SPECC1: variants seen among roughly 807,000 people sequenced by gnomAD.
SPECC1 encodes sperm antigen with calponin homology and coiled-coil domains 1, also known as cytospin-B.
SPECC1 carries 62 observed loss-of-function variants against 104.1 expected under a neutral mutation model. That is an observed-to-expected ratio of 0.60 (90% CI 0.49 to 0.74). SPECC1 has a LOEUF of 0.74. Among genes scored for constraint, SPECC1 ranks in the 30% least tolerant of loss-of-function variants. The probability of loss-of-function intolerance (pLI) is 0.00; values close to 1 mark genes in which losing one functional copy is unlikely to be tolerated. For missense variants in SPECC1, 1,306 were observed against 1,310.5 expected, an observed-to-expected ratio of 1.00 and a Z score of 0.05; for synonymous variants, 513 against 501.6, an observed-to-expected ratio of 1.02 and a Z score of -0.30.
At chr17:20,113,877 T>G (rs2048619261) in intron 3 of SPECC1, among the ~76,000 whole-genome samples, 1 of 152,220 alleles carries the variant, frequency 6.6e-6, no homozygotes, top group African/African-American at 2.4e-5. Flanking sequence ...GGTGCACCAT[T>G]AATATTCATT....
At chr17:20,246,869 C>G (rs1398047303) in intron 8 of SPECC1, among the ~76,000 whole-genome samples, 1 of 152,180 alleles carries the variant, frequency 6.6e-6, no homozygotes, top group Non-Finnish European at 1.5e-5. Flanking sequence ...AGACTAGACT[C>G]TACATATTCA....
chr17:20,084,199 C>T (rs1282691481), intron 1 of SPECC1, among the ~76,000 whole-genome samples: 1 of 152,128 alleles, frequency 6.6e-6, no homozygotes, highest in African/African-American at 2.4e-5. Flanking sequence ...GGAGGCGAGG[C>T]GGGCAGATCA....
chr17:20,170,964 A>G (rs772050844), intron 3 of SPECC1, among the ~76,000 whole-genome samples: 29 of 152,226 alleles, frequency 1.9e-4, no homozygotes, highest in Non-Finnish European at 3.5e-4. Flanking sequence ...TCTCTAGCAC[A>G]AGCAGCCAAA....
At chr17:20,081,281 C>T (rs1023392979) in intron 1 of SPECC1, among the ~76,000 whole-genome samples, 2 of 152,114 alleles carry the variant, frequency 1.3e-5, no homozygotes, top group African/African-American at 2.4e-5. Flanking sequence ...GTGCCTACTG[C>T]AGTGCCTAGA....
At chr17:20,022,820 T>C (rs2044446808) in intron 1 of SPECC1, among the ~76,000 whole-genome samples, 2 of 152,182 alleles carry the variant, frequency 1.3e-5, no homozygotes, top group Non-Finnish European at 2.9e-5. Context: ...GTGATGATGT[T>C]CCCAAGATTG....
chr17:20,130,294 C>A (rs1186834769), intron 3 of SPECC1, among the ~76,000 whole-genome samples: 3 of 152,152 alleles, frequency 2.0e-5, no homozygotes, highest in Admixed American at 1.3e-4. Context: ...TGGTGGCTCA[C>A]ACCTGTAAGC....
At chr17:20,249,093 T>A (rs760302564) in intron 9 of SPECC1, among the ~76,000 whole-genome samples, 2 of 152,148 alleles carry the variant, frequency 1.3e-5, no homozygotes, top group African/African-American at 2.4e-5. Context: ...AGCCACATTT[T>A]AAAAAATACA....
Position 20,306,074 on chromosome 17 carries a change from C to T in SPECC1, c.3109C>T (p.Pro1037Ser), listed in dbSNP as rs759008180. 3 of 1,613,790 alleles carry T rather than the reference C, an allele frequency of 1.9e-6. No homozygotes were observed. The highest frequency in any genetic ancestry group is 1.7e-5 in the Admixed American group (1 of 59,946). The part of the protein sequence containing the change: ...FEAAESVGIK[P>S]SLELSEMLYT... Reference sequence around the variant, plus strand: ...AGCGGCTGAAAGTGTAGGCATCAAACCCAGCCTGGTACGTATCCTATTTTG... The same window carrying T: ...AGCGGCTGAAAGTGTAGGCATCAAATCCAGCCTGGTACGTATCCTATTTTG... The change falls in exon 14 of 15, where the codon CCC becomes TCC. Residue 1037 changes from proline (P) to serine (S), a missense_variant. By Grantham distance (74) the Pro-to-Ser change is moderately conservative. Coordinates refer to ENST00000395527, the MANE Select transcript of SPECC1 (RefSeq NM_001243439.2).
intron 1 of SPECC1, chr17:20,095,924 A>ACCAGG: frequency 6.6e-6 from 1 of 152,508 alleles, no homozygotes; most frequent in South Asian, 2.1e-4. Context: ...TGAGGGATGG[A>ACCAGG]CCAGGCCGCT....
At chr17:20,174,083 C>T (rs976597581) in intron 3 of SPECC1, among the ~76,000 whole-genome samples, 13 of 151,964 alleles carry the variant, frequency 8.6e-5, no homozygotes, top group African/African-American at 3.1e-4. Flanking sequence ...AGGCATGTGC[C>T]ACCACATTTG....
intron 3 of SPECC1, among the ~76,000 whole-genome samples, chr17:20,198,771 G>A (rs1465676686): frequency 6.6e-6 from 1 of 152,160 alleles, no homozygotes; most frequent in Non-Finnish European, 1.5e-5. Flanking sequence ...TTGTTTCATG[G>A]ATATCATTTT....
intron 1 of SPECC1, among the ~76,000 whole-genome samples, chr17:20,044,922 G>A (rs756402445): frequency 8.5e-5 from 13 of 152,344 alleles, no homozygotes; most frequent in South Asian, 4.1e-4. Context: ...ACGCACATGC[G>A]TGCATGTGTG....
chr17:20,233,557 G>A (rs2038727516), intron 7 of SPECC1, among the ~76,000 whole-genome samples: 1 of 152,132 alleles, frequency 6.6e-6, no homozygotes, highest in Non-Finnish European at 1.5e-5. Flanking sequence ...TTTATTTTTA[G>A]AGATGGGGGT....
chr17:20,273,402 T>G (rs996227250), intron 12 of SPECC1, among the ~76,000 whole-genome samples: 1 of 150,890 alleles, frequency 6.6e-6, no homozygotes, highest in Non-Finnish European at 1.5e-5. Context: ...CTCTTGAACC[T>G]GGGAGGCGGA....
At chr17:20,302,675 T>C (rs2041627803) in intron 13 of SPECC1, among the ~76,000 whole-genome samples, 1 of 149,688 alleles carries the variant, frequency 6.7e-6, no homozygotes, top group South Asian at 2.2e-4. Context: ...TAGCTGGGAT[T>C]ACAGGCATGT....
chr17:20,175,077 A>T (rs549377330), intron 3 of SPECC1, among the ~76,000 whole-genome samples: 1 of 152,238 alleles, frequency 6.6e-6, no homozygotes, highest in East Asian at 1.9e-4. Context: ...TCCGCAGCTC[A>T]GTTTTGGCGG....
In SPECC1 at chr17:20,194,501, A is replaced by ATTTTTTTTTTTT. The variant is rs1567923485; in HGVS notation, c.284-9832_284-9831insTTTTTTTTTTTT. Among the ~76,000 whole-genome samples the ATTTTTTTTTTTT allele has an allele frequency of 4.0e-4, 27 of 68,128 alleles. 2 individuals are homozygous for ATTTTTTTTTTTT. In the East Asian group the frequency reaches 0.031, roughly 79 times the overall value. The allele number at this position is 68,128 out of a possible 152,430, so 44.7% of individuals were successfully genotyped here. Reference sequence around the variant, plus strand: ...TTGTGTTCTGTTAGAAAAGAGAACGAATTTTTTTTTTTTTTTTTTTTTTTG... The same window carrying ATTTTTTTTTTTT: ...TTGTGTTCTGTTAGAAAAGAGAACGATTTTTTTTTTTTATTTTTTTTTTTTTTTTTTTTTTTG... On this transcript the variant is annotated intron_variant, in intron 3 of 14. Coordinates refer to ENST00000395527, the MANE Select transcript of SPECC1 (RefSeq NM_001243439.2).
At chr17:20,078,474 A>G (rs1466658866) in intron 1 of SPECC1, among the ~76,000 whole-genome samples, 1 of 152,186 alleles carries the variant, frequency 6.6e-6, no homozygotes, top group Admixed American at 6.5e-5. Context: ...TCAAATACTC[A>G]TGACGTGTCA....
chr17:20,131,073 A>T (rs143015820), intron 3 of SPECC1, among the ~76,000 whole-genome samples: 1 of 152,348 alleles, frequency 6.6e-6, no homozygotes, highest in East Asian at 1.9e-4. Context: ...TGTTTGCCTT[A>T]TACCTTGCAA....
Sources: gnomAD v4.1 joint callset for allele counts (sites outside exome capture counted in the v4.1 genomes callset) on GRCh38, gnomAD v4.1.1 for gene constraint, MANE v1.5 for transcripts, NCBI Gene and HGNC (gene_info 2026-07-23, HGNC 2026-07-21) for gene names.